Variants in ITPR3 observed in about 807,000 individuals in gnomAD.
ITPR3 encodes the protein inositol 1,4,5-trisphosphate-gated calcium channel ITPR3.
ITPR3 carries 173 observed loss-of-function variants against 293.2 expected under a neutral mutation model. The observed-to-expected ratio is 0.59, with a 90% CI of 0.52 to 0.67. The LOEUF is 0.67. Ranked by LOEUF, ITPR3 falls within the 30% of genes least tolerant of loss-of-function variation. The probability of loss-of-function intolerance (pLI) is 0.00; values close to 1 mark genes in which losing one functional copy is unlikely to be tolerated. For missense variants in ITPR3, 2,796 were observed against 3,592.1 expected, an observed-to-expected ratio of 0.78 and a Z score of 5.66; for synonymous variants, 1,295 against 1,444.4, an observed-to-expected ratio of 0.90 and a Z score of 2.35.
chr6:33,668,557 C>T lies in ITPR3; in HGVS notation c.1929C>T (p.Ile643=), dbSNP rs1764674376. 4 of 1,614,224 alleles carry T rather than the reference C, an allele frequency of 2.5e-6. No individual in the cohort carries two copies. The highest frequency in any genetic ancestry group is 2.2e-5 in the South Asian group (2 of 91,088). ...CTGACCTGTGTGTGTCCAACCACAT[C>T]GCCATCCCCGTCACCCAAGAGCTCA... The part of the protein sequence containing the change: ...YLSDLCVSNH[I]AIPVTQELIC... Residue 643 remains isoleucine, a synonymous_variant, in exon 17 of 58, where the codon ATC becomes ATT. Coordinates refer to ENST00000605930, the MANE Select transcript of ITPR3 (RefSeq NM_002224.4).
At chr6:33,659,262 A>C (rs1764394885) in intron 6 of ITPR3, 143 bp downstream of exon 6, 1 of 902,922 alleles carries the variant, frequency 1.1e-6, no homozygotes, top group Non-Finnish European at 1.7e-6. Context: ...TTCTGCATCC[A>C]TTTCCCAACA....
Position 33,682,278 on chromosome 6 carries a change from G to T in ITPR3, c.4477-246G>T, listed in dbSNP as rs574005459. Among the ~76,000 whole-genome samples the T allele has an allele frequency of 8.5e-5, 13 of 152,286 alleles. No homozygotes were observed. In the South Asian group the frequency reaches 2.1e-3, roughly 24 times the overall value. Reference sequence around the variant, plus strand: ...ATTTTTTTAAACATTTTTTAAAAGGGTCAGCAACATGGCTATGAGCCCACG... The same window carrying T: ...ATTTTTTTAAACATTTTTTAAAAGGTTCAGCAACATGGCTATGAGCCCACG... On this transcript the variant is annotated intron_variant, in intron 33 of 57. Coordinates refer to ENST00000605930, the MANE Select transcript of ITPR3 (RefSeq NM_002224.4). The surrounding 1 kb of genome is among the most constrained non-coding windows in gnomAD (Gnocchi z 5.4).
At position 33,695,097 on chromosome 6, in the gene ITPR3, GC is replaced by G; in HGVS notation, c.7947+14del. The G allele has an allele frequency of 6.2e-7, 1 of 1,612,298 alleles. No homozygotes were observed. Among genetic ancestry groups the G allele is most frequent in the South Asian group, 1.1e-5 (1 of 91,014 alleles). ...AGCTCAAGGAGCAGGTGTGCACCCC[GC>G]CTGATCCCAGGCCCACCCTGGGTTC... On this transcript the variant is annotated intron_variant, in intron 57 of 57. Transcript: ENST00000605930.
In ITPR3 at chr6:33,683,693, C is replaced by G. The variant is rs774330249; in HGVS notation, c.4788+296C>G. Reference sequence around the variant, plus strand: ...CTCCTGCAGCGCCCTCCTGTCTATGCAGCACATTTCTGTGCGCTGTCTCGT... The same window carrying G: ...CTCCTGCAGCGCCCTCCTGTCTATGGAGCACATTTCTGTGCGCTGTCTCGT... On this transcript the variant is annotated intron_variant, in intron 35 of 57. Transcript: ENST00000605930. This position sits in a 1 kb window ranked among gnomAD's most constrained non-coding sequence, Gnocchi z 4.5. 1.3e-5 allele frequency among the ~76,000 whole-genome samples: 2 copies of G among 152,194 alleles called. No homozygotes were observed. The highest frequency in any genetic ancestry group is 4.8e-5 in the African/African-American group (2 of 41,436).
Position 33,692,764 on chromosome 6 carries a change from C to T in ITPR3, c.7495C>T (p.Leu2499=), listed in dbSNP as rs772189956. 6.2e-7 allele frequency: 1 copy of T among 1,614,148 alleles called. No individual in the cohort carries two copies. The highest frequency in any genetic ancestry group is 1.1e-5 in the South Asian group (1 of 91,076). The change falls in exon 55 of 58, where the codon CTG becomes TTG. Residue 2499 remains leucine (L), a synonymous_variant. Coordinates refer to ENST00000605930, the MANE Select transcript of ITPR3 (RefSeq NM_002224.4). This position sits in a 1 kb window ranked among gnomAD's most constrained non-coding sequence, Gnocchi z 4.2. ...CCCAGCCCGAGTGGTCTATGACCTC[C>T]TGTTCTTCTTCATCGTCATCATCAT... ...LFPARVVYDL[L]FFFIVIIIVL... is the part of the protein sequence containing the mutation.
rs201373316 is a variant in ITPR3 at position 33,621,671 on chromosome 6, T to C, written c.69T>C (p.Asn23=). 23 of 1,610,052 alleles carry C rather than the reference T, an allele frequency of 1.4e-5. No individual in the cohort carries two copies. In the East Asian group the frequency reaches 5.1e-4, roughly 36 times the overall value. The part of the protein sequence containing the change: ...IVSLYAEGSV[N]GFISTLGLVD... The stretch of plus-strand genomic sequence containing the variant: ...CCCTGTACGCCGAGGGCTCCGTCAA[T>C]GGCTTCATCAGCACTTTGGGGTGAG... The change falls in exon 1 of 58, where the codon AAT becomes AAC. Residue 23 remains asparagine, a synonymous_variant. Coordinates refer to ENST00000605930, the MANE Select transcript of ITPR3 (RefSeq NM_002224.4). This position sits in a 1 kb window ranked among gnomAD's most constrained non-coding sequence, Gnocchi z 7.7.
In ITPR3 at chr6:33,669,131, G is replaced by A. The variant is rs753604364; in HGVS notation, c.2164G>A (p.Asp722Asn). The change falls in exon 18 of 58, where the codon GAC (aspartate) becomes AAC (asparagine). Residue 722 changes from aspartate (D) to asparagine (N), a missense_variant. Physicochemically the swap from Asp to Asn is conservative, Grantham distance 23. Coordinates refer to ENST00000605930, the MANE Select transcript of ITPR3 (RefSeq NM_002224.4). ...GGAGGCGCGGGCCGGCAACGCCCAC[G>A]ACGAGAATGTGCTCAGCTACTACAG... ...AQEARAGNAH[D>N]ENVLSYYRYQ... 1.6e-5 allele frequency: 26 copies of A among 1,613,824 alleles called. No individual in the cohort carries two copies. The highest frequency in any genetic ancestry group is 3.3e-5 in the Admixed American group (2 of 59,998).
Position 33,664,893 on chromosome 6 carries a change from A to T in ITPR3, c.1172A>T (p.His391Leu). 1.9e-6 allele frequency: 3 copies of T among 1,611,568 alleles called. No individual in the cohort carries two copies. The highest frequency in any genetic ancestry group is 1.7e-6 in the Non-Finnish European group (2 of 1,179,796). The change falls in exon 12 of 58, where the codon CAC (histidine) becomes CTC (leucine). Residue 391 changes from histidine (H) to leucine (L), a missense_variant. This residue lies in a region of ITPR3 where 955 missense variants were observed against 1,180.8 expected (regional missense o/e 0.81). Coordinates refer to ENST00000605930, the MANE Select transcript of ITPR3 (RefSeq NM_002224.4). The surrounding 1 kb of genome is among the most constrained non-coding windows in gnomAD (Gnocchi z 4.4). ...VPRNSYVRLR[H>L]LCTNTWIQST... ...AGGAACTCGTACGTCCGGCTGCGGCACCTCTGCACCAACACGTGGATTCAG... is the reference window on the plus strand; with the variant it reads ...AGGAACTCGTACGTCCGGCTGCGGCTCCTCTGCACCAACACGTGGATTCAG...
At chr6:33,671,055 T>C (rs540485110) in intron 20 of ITPR3, 110 bp from the exon 21 acceptor site, 12 of 1,529,552 alleles carry the variant, frequency 7.8e-6, no homozygotes, top group Non-Finnish European at 9.7e-6. Context: ...AACCCCGTCC[T>C]CATGACGCCC....
Position 33,690,028 on chromosome 6 carries a change from C to A in ITPR3, c.6868-6C>A, listed in dbSNP as rs1765347900. Reference sequence around the variant, plus strand: ...GCTGACTCTCATGCCTTGCACTCGCCCCCAGCTGACCAACAAGATCGTGTT... The same window carrying A: ...GCTGACTCTCATGCCTTGCACTCGCACCCAGCTGACCAACAAGATCGTGTT... On this transcript the variant is annotated splice_region_variant and splice_polypyrimidine_tract_variant and intron_variant, in intron 50 of 57. Coordinates refer to ENST00000605930, the MANE Select transcript of ITPR3 (RefSeq NM_002224.4). 6.2e-7 allele frequency: 1 copy of A among 1,614,066 alleles called. No individual in the cohort carries two copies.
Position 33,691,802 on chromosome 6 carries a change from G to A in ITPR3, c.7332G>A (p.Glu2444=), listed in dbSNP as rs978167083. The change falls in exon 54 of 58, where the codon GAG becomes GAA. Residue 2444 remains glutamate (E), a splice_region_variant and synonymous_variant. Transcript: ENST00000605930. This position sits in a 1 kb window ranked among gnomAD's most constrained non-coding sequence, Gnocchi z 4.9. ...CCTCAGCACACTCTCCGCTTGCAGA[G>A]GACAGGGAGCTGGACAGCACAGAGC... is the stretch of plus-strand genomic sequence containing the variant. ...SGLSVPEVLE[E]DRELDSTERA... is the part of the protein sequence containing the mutation. The A allele has an allele frequency of 6.2e-7, 1 of 1,614,140 alleles. No homozygotes were observed. The highest frequency in any genetic ancestry group is 1.3e-5 in the African/African-American group (1 of 75,022).
At chr6:33,688,459 G>GCGCC in intron 48 of ITPR3, 28 bp downstream of exon 48, 1 of 440,062 alleles carries the variant, frequency 2.3e-6, no homozygotes, top group Non-Finnish European at 4.4e-6. Context: ...GGAGGGTGGG[G>GCGCC]CGGTCTGGAG....
intron 49 of ITPR3, 116 bp downstream of exon 49, chr6:33,688,897 G>A: frequency 7.3e-7 from 1 of 1,370,146 alleles, no homozygotes. Context: ...AGAGTGTGCA[G>A]AAGCACCCCC....
In ITPR3 at chr6:33,677,493, C is replaced by T. The variant is rs1445386525; in HGVS notation, c.3523-11C>T. On this transcript the variant is annotated splice_polypyrimidine_tract_variant and intron_variant, in intron 27 of 57. Coordinates refer to ENST00000605930, the MANE Select transcript of ITPR3 (RefSeq NM_002224.4). ...AGGGAAGGGGCTCTGGCTCACCCGC[C>T]TCCCCTGCAGATCCTGGAAAGGCTG... 4 of 1,613,654 alleles carry T rather than the reference C, an allele frequency of 2.5e-6. No individual in the cohort carries two copies. Among genetic ancestry groups the T allele is most frequent in the South Asian group, 2.2e-5 (2 of 91,022 alleles).
In ITPR3 at chr6:33,621,606, A is replaced by G. The variant is rs747869486; in HGVS notation, c.4A>G (p.Ser2Gly). The G allele has an allele frequency of 6.3e-7, 1 of 1,596,802 alleles. No individual in the cohort carries two copies. The highest frequency in any genetic ancestry group is 8.5e-7 in the Non-Finnish European group (1 of 1,171,474). The change falls in exon 1 of 58, where the codon AGT becomes GGT. Residue 2 changes from serine (S) to glycine (G), a missense_variant. Physicochemically the swap from Ser to Gly is moderately conservative, Grantham distance 56. Coordinates refer to ENST00000605930, the MANE Select transcript of ITPR3 (RefSeq NM_002224.4). This position sits in a 1 kb window ranked among gnomAD's most constrained non-coding sequence, Gnocchi z 7.7. M[S>G]EMSSFLHIGD... is the part of the protein sequence containing the mutation. ...TGGGCCCCGGAGGGCCGCAGCCATG[A>G]GTGAAATGTCCAGCTTTCTTCACAT...
intron 1 of ITPR3, among the ~76,000 whole-genome samples, chr6:33,634,748 C>G (rs374296181): frequency 2.6e-4 from 39 of 152,256 alleles, no homozygotes; most frequent in African/African-American, 8.7e-4. Flanking sequence ...ACCTAATGAC[C>G]AGGTGGGCTT....
chr6:33,655,762 A>G lies in ITPR3; in HGVS notation c.161-4A>G. ...CCCCTCACCCCCAACCTGCCCCACC[A>G]CAGACTGCCTCTTCAAGGTGTGCCC... On this transcript the variant is annotated splice_polypyrimidine_tract_variant and splice_region_variant and intron_variant, in intron 2 of 57. Coordinates refer to ENST00000605930, the MANE Select transcript of ITPR3 (RefSeq NM_002224.4). This position sits in a 1 kb window ranked among gnomAD's most constrained non-coding sequence, Gnocchi z 4.9. 6.2e-7 allele frequency: 1 copy of G among 1,613,954 alleles called. No individual in the cohort carries two copies. Among genetic ancestry groups the G allele is most frequent in the Non-Finnish European group, 8.5e-7 (1 of 1,179,960 alleles).
Position 33,687,226 on chromosome 6 carries a change from G to A in ITPR3, c.6076G>A (p.Val2026Met), listed in dbSNP as rs1196110799. 6.2e-7 allele frequency: 1 copy of A among 1,612,116 alleles called. No individual in the cohort carries two copies. The highest frequency in any genetic ancestry group is 8.5e-7 in the Non-Finnish European group (1 of 1,178,510). Residue 2026 changes from valine to methionine, a missense_variant and splice_region_variant, in exon 45 of 58, where the codon GTG (valine) becomes ATG (methionine). By Grantham distance (21) the Val-to-Met change is conservative. Around this residue, in one of 8 missense-constraint regions of ITPR3, gnomAD observed 704 missense variants for 797.5 expected, o/e 0.88. Coordinates refer to ENST00000605930, the MANE Select transcript of ITPR3 (RefSeq NM_002224.4). The surrounding 1 kb of genome is among the most constrained non-coding windows in gnomAD (Gnocchi z 5.3). The stretch of plus-strand genomic sequence containing the variant: ...ATTGGAACAGGCACTGCCCCTCCAG[G>A]TGGACGTCATCAAGAAGGCCTACCT... ...ILISLRPQELVDVIKKAYLQE... is the reference protein window; with the variant it reads ...ILISLRPQELMDVIKKAYLQE...
intron 2 of ITPR3, among the ~76,000 whole-genome samples, chr6:33,644,023 C>T (rs1266189062): frequency 1.3e-5 from 2 of 152,194 alleles, no homozygotes; most frequent in Non-Finnish European, 2.9e-5. Context: ...AACCCTGTCT[C>T]TACTAAGAAC....
Sources: allele counts gnomAD v4.1 joint callset (sites outside exome capture counted in the v4.1 genomes callset), GRCh38; gene constraint gnomAD v4.1.1; regional missense constraint gnomAD v4.1.1; non-coding constraint Gnocchi (gnomAD v3.1); transcripts MANE v1.5; gene names NCBI Gene and HGNC (gene_info 2026-07-23, HGNC 2026-07-21).